TRANK1: variants seen among roughly 807,000 people sequenced by gnomAD.
The protein encoded by TRANK1 is TPR and ankyrin repeat-containing protein 1.
A neutral mutation model predicts 266.0 loss-of-function variants in TRANK1; 198 were observed. That is an observed-to-expected ratio of 0.74 (90% CI 0.66 to 0.84). The LOEUF is 0.84. Ranked by LOEUF, TRANK1 falls within the 40% of genes least tolerant of loss-of-function variation. The pLI is 0.00. For synonymous variants in TRANK1, 1,396 were observed against 1,384.1 expected, an observed-to-expected ratio of 1.01 and a Z score of -0.19; for missense variants, 3,326 against 3,634.6, an observed-to-expected ratio of 0.92 and a Z score of 2.18.
At chr3:36,901,147 C>T (rs571149733) in intron 3 of TRANK1, among the ~76,000 whole-genome samples, 146 of 150,374 alleles carry the variant, frequency 9.7e-4, no homozygotes, top group Middle Eastern at 3.4e-3. Context: ...CAGAATATGC[C>T]ACCCTAAAAT....
intron 23 of TRANK1, among the ~76,000 whole-genome samples, chr3:36,828,956 G>A (rs1434548538): frequency 7.9e-5 from 12 of 152,318 alleles, no homozygotes; most frequent in African/African-American, 2.9e-4. Flanking sequence ...AATACTCAGA[G>A]CAAGAAGGAA....
At chr3:36,841,580 G>C (rs1468671635) in intron 18 of TRANK1, among the ~76,000 whole-genome samples, 3 of 152,212 alleles carry the variant, frequency 2.0e-5, no homozygotes, top group African/African-American at 2.4e-5. Context: ...TGCTCTCCCA[G>C]ACTCTCTTGC....
In TRANK1 at chr3:36,871,153, C is replaced by T. The variant is rs373550835; in HGVS notation, c.1078+2973G>A. Among the ~76,000 whole-genome samples the T allele has an allele frequency of 3.3e-5, 5 of 151,790 alleles. No individual in the cohort carries two copies. In the East Asian group the frequency reaches 7.7e-4, roughly 23 times the overall value. On this transcript the variant is annotated intron_variant, in intron 9 of 23. Coordinates refer to ENST00000645898, the MANE Select transcript of TRANK1 (RefSeq NM_001329998.2). ...TCTGTAATCCCAGCACTTTGGGAGG[C>T]GAAGGTGGGCGATCACCTGAGGTCA... is the stretch of plus-strand genomic sequence containing the variant.
chr3:36,911,543 A>G (rs2080052750), intron 1 of TRANK1, among the ~76,000 whole-genome samples: 1 of 152,234 alleles, frequency 6.6e-6, no homozygotes, highest in East Asian at 1.9e-4. Context: ...TATGTGAGCA[A>G]CAACAAATGT....
rs776541496 is a variant in TRANK1, at chr3:36,856,308, GTCCTCTTCCTCC to G, written c.3402_3413del (p.Glu1134_Glu1137del). On this transcript the variant is annotated inframe_deletion, in exon 13 of 24. Coordinates refer to ENST00000645898, the MANE Select transcript of TRANK1 (RefSeq NM_001329998.2). ...CTTCAATAGAATCTTCCTCTTCCTC[GTCCTCTTCCTCC>G]TCCTCTTCCTCCCCACCTGGACTCT... The G allele has an allele frequency of 1.0e-5, 16 of 1,579,618 alleles. No individual in the cohort carries two copies. The Middle Eastern group carries it at 5.0e-4, about 49-fold the overall frequency.
At chr3:36,851,570 A>C in intron 15 of TRANK1, 149 bp downstream of exon 15, 1 of 1,237,596 alleles carries the variant, frequency 8.1e-7, no homozygotes, top group Non-Finnish European at 1.1e-6. Context: ...TAAACACACA[A>C]AACCTCATAC....
chr3:36,919,085 T>G (rs1003419544), intron 1 of TRANK1, among the ~76,000 whole-genome samples: 1 of 152,192 alleles, frequency 6.6e-6, no homozygotes, highest in African/African-American at 2.4e-5. Flanking sequence ...TGTGCAATAT[T>G]AACAAAGACG....
At chr3:36,913,346 G>A (rs184377874) in intron 1 of TRANK1, among the ~76,000 whole-genome samples, 295 of 151,890 alleles carry the variant, frequency 1.9e-3, no homozygotes, top group Non-Finnish European at 3.5e-3. Flanking sequence ...CACCATGACC[G>A]TCCTTTTCCT....
intron 1 of TRANK1, among the ~76,000 whole-genome samples, chr3:36,942,437 A>C (rs1410649697): frequency 1.4e-5 from 2 of 147,394 alleles, no homozygotes; most frequent in Non-Finnish European, 3.0e-5. Flanking sequence ...AAAACTATGA[A>C]TCCAAGGCTG....
intron 9 of TRANK1, among the ~76,000 whole-genome samples, chr3:36,872,335 G>A (rs1434591205): frequency 6.6e-6 from 1 of 152,154 alleles, no homozygotes; most frequent in Non-Finnish European, 1.5e-5. Flanking sequence ...TGGGAGATGG[G>A]AGGTTGCAAT....
chr3:36,941,851 AT>A (rs1229936573), intron 1 of TRANK1, among the ~76,000 whole-genome samples: 1 of 152,170 alleles, frequency 6.6e-6, no homozygotes, highest in Non-Finnish European at 1.5e-5. Context: ...CTCCAAGGAA[AT>A]TTGTTTTAAA....
intron 1 of TRANK1, among the ~76,000 whole-genome samples, chr3:36,927,662 T>C (rs1208571451): frequency 6.6e-6 from 1 of 152,244 alleles, no homozygotes; most frequent in Non-Finnish European, 1.5e-5. Flanking sequence ...TGCACGCCAC[T>C]GGCCCAGTGG....
In TRANK1 at chr3:36,833,394, C is replaced by T. The variant is rs2078724493; in HGVS notation, c.6189G>A (p.Val2063=). 2.5e-6 allele frequency: 4 copies of T among 1,613,894 alleles called. No homozygotes were observed. Among genetic ancestry groups the T allele is most frequent in the Non-Finnish European group, 2.5e-6 (3 of 1,179,846 alleles). The change falls in exon 22 of 24, where the codon GTG becomes GTA. Residue 2063 remains valine (V), a synonymous_variant. Transcript: ENST00000645898. ...GGCTGGCTGCTTCGTAGAGTGCTTC[C>T]ACCACTCCAGCTGAGTGGTTGAGCG... ...FDTLNHSAGV[V]EALYEAASQC... is the part of the protein sequence containing the mutation.
In TRANK1 at chr3:36,831,758, C is replaced by T. The variant is rs753397313; in HGVS notation, c.7825G>A (p.Glu2609Lys). 1.9e-5 allele frequency: 31 copies of T among 1,613,868 alleles called. No individual in the cohort carries two copies. The highest frequency in any genetic ancestry group is 1.6e-4 in the Middle Eastern group (1 of 6,084). ...CGCTTCACCACCTTCAGGAGCCTCT[C>T]GGGAACCTGGCCAGGGCAGTCCATG... ...MSMDCPGQVP[E>K]RLLKVVKRVL... Residue 2609 changes from glutamate (E) to lysine (K), a missense_variant, in exon 22 of 24, where the codon GAG becomes AAG. Glu to Lys is a moderately conservative substitution (Grantham distance 56, BLOSUM62 1). Coordinates refer to ENST00000645898, the MANE Select transcript of TRANK1 (RefSeq NM_001329998.2). The surrounding 1 kb of genome is among the most constrained non-coding windows in gnomAD (Gnocchi z 5.0).
At chr3:36,884,629 T>C (rs956550783) in intron 8 of TRANK1, among the ~76,000 whole-genome samples, 3 of 152,070 alleles carry the variant, frequency 2.0e-5, no homozygotes, top group East Asian at 3.9e-4. Context: ...AGCTCTTCAT[T>C]ACATAAGAAT....
intron 1 of TRANK1, among the ~76,000 whole-genome samples, chr3:36,910,615 C>T (rs1156755584): frequency 6.6e-6 from 1 of 151,972 alleles, no homozygotes; most frequent in East Asian, 1.9e-4. Context: ...TGGCACGCAC[C>T]TGTAATCCCA....
chr3:36,899,366 G>A (rs2079842189), intron 3 of TRANK1, 107 bp from the exon 4 acceptor site: 1 of 1,281,728 alleles, frequency 7.8e-7, no homozygotes, highest in Admixed American at 2.4e-5. Context: ...CTAAAAGTCT[G>A]ACTTCTGGCT....
At chr3:36,850,300 T>C in intron 15 of TRANK1, 1 of 985,418 alleles carries the variant, frequency 1.0e-6, no homozygotes, top group Non-Finnish European at 1.2e-6. Flanking sequence ...GAAAGGAATG[T>C]ACATAAGGAA....
chr3:36,859,333 A>T (rs1417492609), intron 11 of TRANK1, among the ~76,000 whole-genome samples: 2 of 150,844 alleles, frequency 1.3e-5, no homozygotes. Context: ...GGTTTGTTAC[A>T]TAGGTATACA....
Sources: allele counts gnomAD v4.1 joint callset (sites outside exome capture counted in the v4.1 genomes callset), GRCh38; gene constraint gnomAD v4.1.1; non-coding constraint Gnocchi (gnomAD v3.1); transcripts MANE v1.5; gene names NCBI Gene and HGNC (gene_info 2026-07-23, HGNC 2026-07-21).